The following ARHGEF10 variants were observed in gnomAD, a reference collection of about 807,000 sequenced individuals.
The protein encoded by ARHGEF10 is Rho guanine nucleotide exchange factor 10.
In ARHGEF10, 140 loss-of-function variants were observed where a neutral mutation model predicts 147.4. That is an observed-to-expected ratio of 0.95 (90% CI 0.83 to 1.09). The LOEUF (loss-of-function observed/expected upper bound fraction) is 1.09, where lower values mean the gene tolerates loss of function less well. Among genes scored for constraint, ARHGEF10 ranks in the 50% least tolerant of loss-of-function variants. The pLI is 0.00. For missense variants in ARHGEF10, 2,222 were observed against 1,752.7 expected, an observed-to-expected ratio of 1.27 and a Z score of -4.78; for synonymous variants, 902 against 695.8, an observed-to-expected ratio of 1.30 and a Z score of -4.67.
intron 27 of ARHGEF10, among the ~76,000 whole-genome samples, chr8:1,946,210 G>T (rs1814577547): frequency 6.6e-6 from 1 of 152,226 alleles, no homozygotes; most frequent in Admixed American, 6.5e-5. Flanking sequence ...GGCCCAACCG[G>T]CTTCTTTCAC....
rs552670702 is a variant in ARHGEF10, at chr8:1,924,405, C to G, written c.2488+531C>G. On this transcript the variant is annotated intron_variant, in intron 21 of 28. Coordinates refer to ENST00000349830, the MANE Select transcript of ARHGEF10 (RefSeq NM_014629.4). ...TCTTCAGCCTTGATTATTTTTTGCT[C>G]TGTGTGTGTGTGTAATGTACTTATA... is the stretch of plus-strand genomic sequence containing the variant. Among the ~76,000 whole-genome samples, 9 of 152,118 alleles carry G rather than the reference C, an allele frequency of 5.9e-5. No homozygotes were observed. The South Asian group carries it at 1.0e-3, about 18-fold the overall frequency.
At chr8:1,880,679 C>T (rs1808112764) in intron 9 of ARHGEF10, among the ~76,000 whole-genome samples, 1 of 152,290 alleles carries the variant, frequency 6.6e-6, no homozygotes, top group Non-Finnish European at 1.5e-5. Flanking sequence ...GCCCCTGAGA[C>T]CGGAATGCTT....
intron 28 of ARHGEF10, among the ~76,000 whole-genome samples, chr8:1,955,852 C>T (rs926044402): frequency 2.6e-5 from 4 of 152,246 alleles, no homozygotes; most frequent in African/African-American, 9.6e-5. Flanking sequence ...GCAGGGATCA[C>T]AGGTGTGTGC....
chr8:1,839,679 T>TGTCA (rs770059016), intron 1 of ARHGEF10, among the ~76,000 whole-genome samples: 1 of 125,870 alleles, frequency 7.9e-6, no homozygotes, highest in Non-Finnish European at 1.7e-5. Context: ...GTGTGGAAAC[T>TGTCA]GGTGTGGGGA....
rs1044496651 is a variant in ARHGEF10 at position 1,945,842 on chromosome 8, T to C, written c.3397+187T>C. ...AGTACGGAGCATGGTCAGCCCACTT[T>C]AGCGCTTCCCGGTGCAGGGCACAGG... On this transcript the variant is annotated intron_variant, in intron 27 of 28. Coordinates refer to ENST00000349830, the MANE Select transcript of ARHGEF10 (RefSeq NM_014629.4). 13 of 888,450 alleles carry C rather than the reference T, an allele frequency of 1.5e-5. No homozygotes were observed. In the East Asian group the frequency reaches 3.6e-4, roughly 25 times the overall value. 55.0% of individuals were successfully genotyped at this position (888,450 alleles called of 1,614,324 possible).
chr8:1,833,413 G>A (rs1803385197), intron 1 of ARHGEF10, among the ~76,000 whole-genome samples: 3 of 150,472 alleles, frequency 2.0e-5, no homozygotes, highest in Admixed American at 6.6e-5. Flanking sequence ...CAGAGACAGA[G>A]GCAGAGACAG....
intron 10 of ARHGEF10, among the ~76,000 whole-genome samples, chr8:1,885,271 A>G (rs1208426385): frequency 1.3e-5 from 2 of 152,238 alleles, no homozygotes; most frequent in Non-Finnish European, 2.9e-5. Flanking sequence ...TTAAGAAACT[A>G]AAATATTTAA....
intron 2 of ARHGEF10, among the ~76,000 whole-genome samples, chr8:1,851,158 C>G (rs1274852601): frequency 1.3e-5 from 2 of 151,390 alleles, no homozygotes; most frequent in Non-Finnish European, 2.9e-5. Flanking sequence ...GGAGCGAGGC[C>G]TCACGCACAC....
At chr8:1,833,593 C>T (rs1363672989) in intron 1 of ARHGEF10, among the ~76,000 whole-genome samples, 1 of 152,220 alleles carries the variant, frequency 6.6e-6, no homozygotes, top group African/African-American at 2.4e-5. Flanking sequence ...AAGCCCCCAC[C>T]CCCAGGATGC....
chr8:1,953,579 C>A (rs187255171), intron 28 of ARHGEF10, among the ~76,000 whole-genome samples: 1 of 152,306 alleles, frequency 6.6e-6, no homozygotes, highest in Non-Finnish European at 1.5e-5. Context: ...CAGGAAACAG[C>A]CTAAGCTAGG....
chr8:1,905,771 C>T, intron 17 of ARHGEF10, 55 bp downstream of exon 17: 2 of 1,602,494 alleles, frequency 1.2e-6, no homozygotes, highest in South Asian at 2.2e-5. Context: ...TTACCTTTGC[C>T]TAAGGGCACA....
chr8:1,849,654 TGAG>T (rs1229039655), intron 2 of ARHGEF10, among the ~76,000 whole-genome samples: 2 of 130,614 alleles, frequency 1.5e-5, no homozygotes, highest in African/African-American at 6.0e-5. Flanking sequence ...CGGCAAATGC[TGAG>T]GAGGGCGTGG....
chr8:1,835,772 G>C (rs7818610), intron 1 of ARHGEF10, among the ~76,000 whole-genome samples: 115,927 of 152,110 alleles, frequency 0.76, 44,583 homozygotes, highest in Middle Eastern at 0.88. Flanking sequence ...GCTGTGCTGT[G>C]TGTAAACACT....
At chr8:1,891,119 T>C (rs1809491188) in intron 11 of ARHGEF10, among the ~76,000 whole-genome samples, 1 of 152,226 alleles carries the variant, frequency 6.6e-6, no homozygotes, top group South Asian at 2.1e-4. Context: ...CTCTGTGTTG[T>C]GTTAGCACAG....
At chr8:1,887,773 TG>T (rs1808814456) in intron 11 of ARHGEF10, among the ~76,000 whole-genome samples, 1 of 136,056 alleles carries the variant, frequency 7.3e-6, no homozygotes, top group African/African-American at 2.8e-5. Context: ...GGGTGAGGGT[TG>T]TGATGAGACA....
intron 18 of ARHGEF10, among the ~76,000 whole-genome samples, chr8:1,920,816 C>T (rs1812227473): frequency 6.7e-6 from 1 of 149,800 alleles, no homozygotes; most frequent in African/African-American, 2.5e-5. Context: ...TGGAGTTTAG[C>T]TCTTGTTGCC....
intron 18 of ARHGEF10, among the ~76,000 whole-genome samples, chr8:1,920,826 C>A (rs1047532354): frequency 6.6e-6 from 1 of 151,820 alleles, no homozygotes; most frequent in Non-Finnish European, 1.5e-5. Context: ...CTCTTGTTGC[C>A]CAGGCTGGAG....
chr8:1,839,880 A>G (rs866267262), intron 1 of ARHGEF10, among the ~76,000 whole-genome samples: 54 of 71,852 alleles, frequency 7.5e-4, no homozygotes, highest in Middle Eastern at 0.014. Flanking sequence ...CTGGTGTGGA[A>G]ACTGTCTGGT....
At chr8:1,883,344 A>C (rs114233083) in intron 10 of ARHGEF10, among the ~76,000 whole-genome samples, 2 of 152,038 alleles carry the variant, frequency 1.3e-5, no homozygotes, top group African/African-American at 4.8e-5. Context: ...GGATGTCCTA[A>C]GGTCGAGTTA....
Sources: gnomAD v4.1 joint callset for allele counts (sites outside exome capture counted in the v4.1 genomes callset) on GRCh38, gnomAD v4.1.1 for gene constraint, MANE v1.5 for transcripts, NCBI Gene and HGNC (gene_info 2026-07-23, HGNC 2026-07-21) for gene names.